Variants in BMP7 observed in about 807,000 individuals in gnomAD.
BMP7 encodes the protein bone morphogenetic protein 7.
BMP7 carries 12 observed loss-of-function variants against 41.2 expected under a neutral mutation model. The observed-to-expected ratio is 0.29, with a 90% CI of 0.19 to 0.47. The LOEUF is 0.47. BMP7 is among the 20% of genes least tolerant of loss of function. The probability of loss-of-function intolerance (pLI) is 0.99; values close to 1 mark genes in which losing one functional copy is unlikely to be tolerated. For missense variants in BMP7, 467 were observed against 606.0 expected (o/e 0.77, Z 2.41); for synonymous variants, 248 against 250.0 (o/e 0.99, Z 0.07).
chr20:57,265,565 G>C, intron 1 of BMP7, 140 bp downstream of exon 1: 1 of 1,358,412 alleles, frequency 7.4e-7, no homozygotes, highest in Non-Finnish European at 1.0e-6. Context: ...AGGGCTGTGG[G>C]TGGGAGACCC....
chr20:57,175,119 G>A (rs1914731541), intron 4 of BMP7, 112 bp from the exon 5 acceptor site: 17 of 1,137,318 alleles, frequency 1.5e-5, no homozygotes, highest in East Asian at 5.1e-5. Context: ...AAGCACAGAC[G>A]GCTGGGGGGT....
At chr20:57,243,935 CAGG>C (rs2066079603) in intron 1 of BMP7, 2 of 152,256 alleles carry the variant, frequency 1.3e-5, no homozygotes, top group African/African-American at 4.8e-5. Flanking sequence ...GAGCAGGACT[CAGG>C]AGGTTTCCAG....
intron 1 of BMP7, among the ~76,000 whole-genome samples, chr20:57,255,799 C>CA (rs3067106): frequency 0.15 from 7,070 of 48,496 alleles, 1,123 homozygotes; most frequent in East Asian, 0.45. Flanking sequence ...GACTCCATCT[C>CA]AAAAAAAAAA....
chr20:57,189,051 C>T (rs1984289148), intron 3 of BMP7, among the ~76,000 whole-genome samples: 1 of 152,218 alleles, frequency 6.6e-6, no homozygotes, highest in African/African-American at 2.4e-5. Context: ...GTGGGACCTA[C>T]ACATGAGCTT....
At chr20:57,187,557 C>CTCTA (rs940448794) in intron 3 of BMP7, among the ~76,000 whole-genome samples, 7 of 149,312 alleles carry the variant, frequency 4.7e-5, no homozygotes, top group Admixed American at 6.6e-5. Context: ...AGCCTGCCCT[C>CTCTA]TCTCTCTCTC....
At chr20:57,173,595 A>T in intron 5 of BMP7, 1 of 540,212 alleles carries the variant, frequency 1.9e-6, no homozygotes, top group Non-Finnish European at 3.3e-6. Flanking sequence ...CTATGATCAC[A>T]CCACTGCACC....
At chr20:57,210,553 C>T (rs113547126) in intron 2 of BMP7, among the ~76,000 whole-genome samples, 7 of 152,336 alleles carry the variant, frequency 4.6e-5, no homozygotes, top group South Asian at 2.1e-4. Context: ...ATGCAGGACC[C>T]GGCCTCAGCG....
Position 57,228,958 on chromosome 20 carries a change from A to G in BMP7, c.419-537T>C, listed in dbSNP as rs2066018587. Among the ~76,000 whole-genome samples the G allele has an allele frequency of 6.6e-6, 1 of 152,226 alleles. No individual in the cohort carries two copies. Among genetic ancestry groups the G allele is most frequent in the African/African-American group, 2.4e-5 (1 of 41,468 alleles). On this transcript the variant is annotated intron_variant, in intron 1 of 6. Transcript: ENST00000395863. This position sits in a 1 kb window ranked among gnomAD's most constrained non-coding sequence, Gnocchi z 4.5. ...GGTAAGCATAAACCTTACTGTGCCTAGTATGAGACATCTCTAGGACCAGGG... is the reference window on the plus strand; with the variant it reads ...GGTAAGCATAAACCTTACTGTGCCTGGTATGAGACATCTCTAGGACCAGGG...
chr20:57,248,938 A>G (rs1277322627), intron 1 of BMP7, among the ~76,000 whole-genome samples: 2 of 151,920 alleles, frequency 1.3e-5, no homozygotes, highest in Non-Finnish European at 2.9e-5. Flanking sequence ...AGCTGGGACT[A>G]CAGGTGCCCA....
chr20:57,236,478 G>A (rs939771535), intron 1 of BMP7, among the ~76,000 whole-genome samples: 3 of 152,212 alleles, frequency 2.0e-5, no homozygotes, highest in African/African-American at 7.2e-5. Context: ...GTTGAATTGG[G>A]TTTATGGATA....
chr20:57,185,910 C>T (rs1435031788), intron 3 of BMP7, among the ~76,000 whole-genome samples: 1 of 150,688 alleles, frequency 6.6e-6, no homozygotes, highest in African/African-American at 2.5e-5. Flanking sequence ...TTTGCATACC[C>T]TAAGTGCTCA....
intron 1 of BMP7, among the ~76,000 whole-genome samples, chr20:57,249,859 G>A (rs1432106132): frequency 6.6e-6 from 1 of 152,102 alleles, no homozygotes; most frequent in Non-Finnish European, 1.5e-5. Flanking sequence ...CTGCAGGTGA[G>A]GACTGAGCCC....
intron 2 of BMP7, among the ~76,000 whole-genome samples, chr20:57,226,882 G>A (rs1345605562): frequency 8.8e-5 from 13 of 147,690 alleles, no homozygotes; most frequent in South Asian, 4.3e-4. Context: ...GCTGGAGTGC[G>A]GTGGCACCAT....
rs374720706 is a variant in BMP7, at chr20:57,205,010, C to G, written c.612-2387G>C. On this transcript the variant is annotated intron_variant, in intron 2 of 6. Coordinates refer to ENST00000395863, the MANE Select transcript of BMP7 (RefSeq NM_001719.3). ...TGGACCCTTTCTGTTTTTCCATCTT[C>G]GGCCATGTGAGGACACGGCAACGAG... Among the ~76,000 whole-genome samples the G allele has an allele frequency of 1.3e-4, 20 of 152,214 alleles. 1 individual carries two copies. In the South Asian group the frequency reaches 3.5e-3, roughly 27 times the overall value.
chr20:57,228,161 T>A lies in BMP7; in HGVS notation c.611+68A>T. ...GCCAATCTGACCCATCCTCTGGCCC[T>A]CACCACCTTCTTCCTCTGCCCCCAG... On this transcript the variant is annotated intron_variant, in intron 2 of 6. Transcript: ENST00000395863. The surrounding 1 kb of genome is among the most constrained non-coding windows in gnomAD (Gnocchi z 4.5). 6.4e-7 allele frequency: 1 copy of A among 1,561,772 alleles called. No individual in the cohort carries two copies. Among genetic ancestry groups the A allele is most frequent in the Non-Finnish European group, 8.8e-7 (1 of 1,134,798 alleles).
chr20:57,217,055 G>A (rs1236121023), intron 2 of BMP7, among the ~76,000 whole-genome samples: 1 of 152,166 alleles, frequency 6.6e-6, no homozygotes, highest in East Asian at 1.9e-4. Context: ...GAACACCCAA[G>A]GGGAAAGGGA....
At chr20:57,250,864 C>G (rs895820025) in intron 1 of BMP7, among the ~76,000 whole-genome samples, 33 of 152,274 alleles carry the variant, frequency 2.2e-4, no homozygotes, top group African/African-American at 7.7e-4. Context: ...CAAAATACAC[C>G]CAGTTTCCTG....
At chr20:57,202,810 G>C (rs1303202220) in intron 2 of BMP7, among the ~76,000 whole-genome samples, 187 bp from the exon 3 acceptor site, 1 of 152,194 alleles carries the variant, frequency 6.6e-6, no homozygotes, top group Non-Finnish European at 1.5e-5. Flanking sequence ...TGAGGAAAGA[G>C]AGTGCAGAAG....
rs530178698 is a variant in BMP7, at chr20:57,260,714, C to T, written c.418+4991G>A. On this transcript the variant is annotated intron_variant, in intron 1 of 6. Coordinates refer to ENST00000395863, the MANE Select transcript of BMP7 (RefSeq NM_001719.3). Reference sequence around the variant, plus strand: ...CACCACTACGCTGTAAAGGCTAATCCGCACATTCCTTCTGACAATAACATG... The same window carrying T: ...CACCACTACGCTGTAAAGGCTAATCTGCACATTCCTTCTGACAATAACATG... Among the ~76,000 whole-genome samples the T allele has an allele frequency of 5.9e-5, 9 of 152,332 alleles. No homozygotes were observed. In the East Asian group the frequency reaches 9.6e-4, roughly 16 times the overall value.
Sources: allele counts gnomAD v4.1 joint callset (sites outside exome capture counted in the v4.1 genomes callset), GRCh38; gene constraint gnomAD v4.1.1; non-coding constraint Gnocchi (gnomAD v3.1); transcripts MANE v1.5; gene names NCBI Gene and HGNC (gene_info 2026-07-23, HGNC 2026-07-21).